MAP4K3: variants seen among roughly 807,000 people sequenced by gnomAD.
MAP4K3 encodes mitogen-activated protein kinase kinase kinase kinase 3, also known as MAPK/ERK kinase kinase kinase 3.
In MAP4K3, 94 loss-of-function variants were observed where a neutral mutation model predicts 143.5. That is an observed-to-expected ratio of 0.65 (90% CI 0.55 to 0.78). The LOEUF (loss-of-function observed/expected upper bound fraction) is 0.78, where lower values mean the gene tolerates loss of function less well. MAP4K3 is among the 30% of genes least tolerant of loss of function. The probability of loss-of-function intolerance (pLI) is 0.00; values close to 1 mark genes in which losing one functional copy is unlikely to be tolerated. For synonymous variants in MAP4K3, 416 were observed against 347.2 expected (o/e 1.20, Z -2.20); for missense variants, 1,077 against 1,068.1 (o/e 1.01, Z -0.12).
Position 39,286,891 on chromosome 2 carries a change from T to TC in MAP4K3, c.1547dup (p.Gly517ArgfsTer17). 6.2e-7 allele frequency: 1 copy of TC among 1,610,512 alleles called. No homozygotes were observed. Among genetic ancestry groups the TC allele is most frequent in the Non-Finnish European group, 8.5e-7 (1 of 1,179,194 alleles). On this transcript the variant is annotated frameshift_variant, in exon 21 of 34. Coordinates refer to ENST00000263881, the MANE Select transcript of MAP4K3 (RefSeq NM_003618.4). LOFTEE classifies it high-confidence loss of function. The stretch of plus-strand genomic sequence containing the variant: ...TTTCTTTTCTTGAAAGGTTTGTGCC[T>TC]CTATGTTCATTCTGTTGTTGACATA...
chr2:39,354,161 A>C (rs1665538235), intron 3 of MAP4K3, among the ~76,000 whole-genome samples: 1 of 152,070 alleles, frequency 6.6e-6, no homozygotes, highest in Non-Finnish European at 1.5e-5. Flanking sequence ...ATACAAAAAA[A>C]GGCCAGGCAC....
chr2:39,419,567 T>C (rs1421249303), intron 1 of MAP4K3, among the ~76,000 whole-genome samples: 3 of 152,228 alleles, frequency 2.0e-5, no homozygotes, highest in African/African-American at 7.2e-5. Context: ...ATTTTGGTTT[T>C]TGAAAGAAAA....
In MAP4K3 at chr2:39,317,753, T is replaced by C. The variant is rs1047721237; in HGVS notation, c.919-2365A>G. 7.9e-5 allele frequency among the ~76,000 whole-genome samples: 12 copies of C among 151,888 alleles called. No individual in the cohort carries two copies. The South Asian group carries it at 1.5e-3, about 18-fold the overall frequency. On this transcript the variant is annotated intron_variant, in intron 12 of 33. Transcript: ENST00000263881. ...TGGTTATTATTGAAAAGTCAAAAAA[T>C]AACAGATTATGGCAAGGCAGCAGGG...
At chr2:39,355,806 TC>T (rs1665595955) in intron 3 of MAP4K3, among the ~76,000 whole-genome samples, 1 of 152,134 alleles carries the variant, frequency 6.6e-6, no homozygotes, top group African/African-American at 2.4e-5. Context: ...TGATTATAGT[TC>T]CTAGTTCTTT....
At chr2:39,345,754 C>T (rs550251530) in intron 3 of MAP4K3, among the ~76,000 whole-genome samples, 1 of 151,820 alleles carries the variant, frequency 6.6e-6, no homozygotes, top group Admixed American at 6.6e-5. Flanking sequence ...CACGTCTCTA[C>T]TAAAAATACA....
intron 2 of MAP4K3, among the ~76,000 whole-genome samples, chr2:39,366,378 T>C (rs564692858): frequency 2.0e-5 from 3 of 152,266 alleles, no homozygotes; most frequent in East Asian, 3.9e-4. Flanking sequence ...ATGTCTGGGT[T>C]CTGATAAGGG....
intron 31 of MAP4K3, 52 bp downstream of exon 31, chr2:39,258,296 T>C (rs1680428632): frequency 8.9e-7 from 1 of 1,120,508 alleles, no homozygotes; most frequent in Non-Finnish European, 1.3e-6. Context: ...AATTAGCAGA[T>C]AAATTATTTT....
At chr2:39,317,859 G>T (rs1683168695) in intron 12 of MAP4K3, among the ~76,000 whole-genome samples, 1 of 152,066 alleles carries the variant, frequency 6.6e-6, no homozygotes, top group Non-Finnish European at 1.5e-5. Flanking sequence ...ATTTCTCAAA[G>T]AACTTAGAAC....
intron 1 of MAP4K3, among the ~76,000 whole-genome samples, chr2:39,408,178 G>A (rs568842584): frequency 6.6e-6 from 1 of 152,076 alleles, no homozygotes; most frequent in African/African-American, 2.4e-5. Flanking sequence ...CCTTTTTCTG[G>A]ATTGGTTCCT....
chr2:39,423,918 C>T (rs1033023725), intron 1 of MAP4K3, among the ~76,000 whole-genome samples: 1 of 152,142 alleles, frequency 6.6e-6, no homozygotes, highest in Non-Finnish European at 1.5e-5. Context: ...CTTTAATTAA[C>T]ATAATAATAA....
intron 2 of MAP4K3, among the ~76,000 whole-genome samples, chr2:39,368,753 CTT>C (rs1665995051): frequency 6.6e-6 from 1 of 152,102 alleles, no homozygotes; most frequent in Non-Finnish European, 1.5e-5. Context: ...AATTTCTCAA[CTT>C]TCTGTTCTCT....
At chr2:39,288,949 G>A (rs1466020555) in intron 19 of MAP4K3, among the ~76,000 whole-genome samples, 1 of 152,194 alleles carries the variant, frequency 6.6e-6, no homozygotes, top group Non-Finnish European at 1.5e-5. Context: ...CTACTCAGGA[G>A]GCTGAGGCAG....
intron 14 of MAP4K3, 148 bp downstream of exon 14, chr2:39,309,313 C>CAG: frequency 5.4e-6 from 3 of 557,450 alleles, no homozygotes; most frequent in Non-Finnish European, 9.3e-6. Flanking sequence ...TTTGTAGAGA[C>CAG]AGGGTCTTAC....
chr2:39,265,085 C>T, intron 28 of MAP4K3, 118 bp downstream of exon 28: 1 of 756,036 alleles, frequency 1.3e-6, no homozygotes, highest in East Asian at 2.6e-5. Context: ...AACCCTGCCA[C>T]ATTATCTAAA....
chr2:39,395,240 G>A (rs78653879), intron 1 of MAP4K3, among the ~76,000 whole-genome samples: 1 of 151,926 alleles, frequency 6.6e-6, no homozygotes, highest in Non-Finnish European at 1.5e-5. Flanking sequence ...AATTACCAAA[G>A]AAATTTAGCA....
chr2:39,404,977 C>G (rs1667056067), intron 1 of MAP4K3, among the ~76,000 whole-genome samples: 1 of 152,202 alleles, frequency 6.6e-6, no homozygotes, highest in Non-Finnish European at 1.5e-5. Flanking sequence ...TCTGGACCCA[C>G]CTGGGGTCTA....
chr2:39,267,305 A>G (rs1052337640), intron 26 of MAP4K3, 58 bp from the exon 27 acceptor site: 16 of 1,310,360 alleles, frequency 1.2e-5, no homozygotes, highest in Admixed American at 1.2e-4. Flanking sequence ...TATATGAAAA[A>G]GCTACTGTTA....
chr2:39,282,500 A>C lies in MAP4K3; in HGVS notation c.1629+13T>G, dbSNP rs1681581253. On this transcript the variant is annotated intron_variant, in intron 22 of 33. Transcript: ENST00000263881. ...TAGCTTGAAACTTAGCCTACTCCAT[A>C]TTTAGTACTTACATGCACTTTAGGT... 6.2e-7 allele frequency: 1 copy of C among 1,606,258 alleles called. No homozygotes were observed. The highest frequency in any genetic ancestry group is 8.5e-7 in the Non-Finnish European group (1 of 1,174,342).
intron 19 of MAP4K3, among the ~76,000 whole-genome samples, chr2:39,290,011 C>T (rs1273480035): frequency 5.3e-5 from 8 of 150,102 alleles, no homozygotes; most frequent in African/African-American, 2.0e-4. Context: ...TGCTTGAACC[C>T]GAGAGGAGGA....
Sources: allele counts gnomAD v4.1 joint callset (sites outside exome capture counted in the v4.1 genomes callset), GRCh38; gene constraint gnomAD v4.1.1; transcripts MANE v1.5; gene names NCBI Gene and HGNC (gene_info 2026-07-23, HGNC 2026-07-21).